Variants in CPED1 observed in about 807,000 individuals in gnomAD.
CPED1 encodes cadherin-like and PC-esterase domain-containing protein 1.
CPED1 carries 114 observed loss-of-function variants against 128.2 expected under a neutral mutation model. The ratio of observed to expected loss-of-function variants is 0.89; its 90% CI spans 0.76 to 1.04. The LOEUF (loss-of-function observed/expected upper bound fraction) is 1.04. CPED1 is among the 50% of genes least tolerant of loss of function. The pLI, the probability that CPED1 is intolerant of heterozygous loss-of-function variation, is 0.00. For synonymous variants in CPED1, 462 were observed against 426.7 expected (o/e 1.08, Z -1.02); for missense variants, 1,211 against 1,207.1 (o/e 1.00, Z -0.05).
chr7:121,165,797 G>A (rs1280863248), intron 16 of CPED1, among the ~76,000 whole-genome samples: 1 of 152,156 alleles, frequency 6.6e-6, no homozygotes, highest in Non-Finnish European at 1.5e-5. Flanking sequence ...TATATTTTAA[G>A]ATTGGAACTG....
At chr7:121,118,578 G>C (rs866667949) in intron 7 of CPED1, among the ~76,000 whole-genome samples, 37 of 142,366 alleles carry the variant, frequency 2.6e-4, no homozygotes, top group African/African-American at 1.1e-3. Context: ...AAAAAACAGA[G>C]AGAGAAAGAA....
chr7:121,264,107 AAGAT>A (rs1199470907), intron 18 of CPED1, among the ~76,000 whole-genome samples: 2 of 152,056 alleles, frequency 1.3e-5, no homozygotes, highest in Admixed American at 6.6e-5. Flanking sequence ...ACACAAATAA[AAGAT>A]AGCCACCTAC....
intron 3 of CPED1, among the ~76,000 whole-genome samples, chr7:121,025,936 C>G (rs1792568776): frequency 6.6e-6 from 1 of 152,104 alleles, no homozygotes; most frequent in Admixed American, 6.6e-5. Context: ...GTATAAAACA[C>G]AACTGATAGT....
At chr7:121,198,652 C>T (rs1181330444) in intron 16 of CPED1, among the ~76,000 whole-genome samples, 2 of 152,110 alleles carry the variant, frequency 1.3e-5, no homozygotes, top group Non-Finnish European at 2.9e-5. Context: ...TTCACTACGC[C>T]AGAGCCTTCT....
rs1157885862 is a variant in CPED1, at chr7:121,074,509, GT to G, written c.616+10214del. ...TTCCTTACTAATAAATTTCCTTTGT[GT>G]TTTTTTTTTTTTTTTTTGAGGGCAC... On this transcript the variant is annotated intron_variant, in intron 5 of 22. Transcript: ENST00000310396. Among the ~76,000 whole-genome samples, 89 of 80,838 alleles carry G rather than the reference GT, an allele frequency of 1.1e-3. 1 individual carries two copies. Among genetic ancestry groups the G allele is most frequent in the South Asian group, 4.1e-3 (9 of 2,174 alleles). 53.0% of individuals were successfully genotyped at this position (80,838 alleles called of 152,430 possible). A position where few individuals can be genotyped will look rare whatever the true frequency, so the allele number is the denominator to read the frequency against.
chr7:121,027,534 T>A (rs983213575), intron 3 of CPED1, among the ~76,000 whole-genome samples: 1 of 151,892 alleles, frequency 6.6e-6, no homozygotes, highest in Non-Finnish European at 1.5e-5. Flanking sequence ...GGAAAAAAAA[T>A]TAGTGATCTT....
rs1028434048 is a variant in CPED1 at position 121,072,586 on chromosome 7, G to A, written c.616+8273G>A. Among the ~76,000 whole-genome samples the A allele has an allele frequency of 2.2e-4, 33 of 152,220 alleles. 1 individual carries two copies. The highest frequency in any genetic ancestry group is 7.9e-4 in the African/African-American group (33 of 41,544). On this transcript the variant is annotated intron_variant, in intron 5 of 22. Transcript: ENST00000310396. ...GAAAAGCCAGCAGAATGTGCTGATG[G>A]TTGAGATGTGGTTTATAAAAGAAAG...
chr7:121,271,486 T>G, intron 22 of CPED1, 56 bp downstream of exon 22: 1 of 1,526,314 alleles, frequency 6.6e-7, no homozygotes, highest in Non-Finnish European at 9.0e-7. Flanking sequence ...AATTGTTTGT[T>G]GTATCTTTAA....
intron 22 of CPED1, among the ~76,000 whole-genome samples, chr7:121,289,673 T>G (rs903429742): frequency 6.6e-6 from 1 of 152,200 alleles, no homozygotes; most frequent in Non-Finnish European, 1.5e-5. Flanking sequence ...CAAAACAATT[T>G]TTAAAAAATT....
chr7:121,194,014 CTCTCTCTCTATATA>C (rs1172022819), intron 16 of CPED1, among the ~76,000 whole-genome samples: 1 of 70,202 alleles, frequency 1.4e-5, no homozygotes, highest in African/African-American at 5.3e-5. Context: ...CTCTCTCTCT[CTCTCTCTCTATATA>C]TATATATATA....
intron 16 of CPED1, among the ~76,000 whole-genome samples, chr7:121,198,257 TAAG>T (rs1355901218): frequency 6.6e-6 from 1 of 152,106 alleles, no homozygotes; most frequent in Non-Finnish European, 1.5e-5. Flanking sequence ...ACTGACAAAA[TAAG>T]AAGGCTTTTT....
intron 2 of CPED1, among the ~76,000 whole-genome samples, chr7:121,014,290 C>T (rs538816865): frequency 1.4e-4 from 22 of 152,252 alleles, no homozygotes; most frequent in Non-Finnish European, 2.6e-4. Context: ...CGGTGGCTCA[C>T]GCCTGTAATC....
At chr7:121,271,852 A>G (rs921227236) in intron 22 of CPED1, among the ~76,000 whole-genome samples, 18 of 152,256 alleles carry the variant, frequency 1.2e-4, no homozygotes, top group Admixed American at 7.8e-4. Flanking sequence ...GCCTTGTCCA[A>G]TGCATAACAG....
chr7:121,020,491 A>T (rs1792412167), intron 3 of CPED1, among the ~76,000 whole-genome samples: 1 of 151,980 alleles, frequency 6.6e-6, no homozygotes, highest in Admixed American at 6.6e-5. Flanking sequence ...TTTACAGAAA[A>T]AAGTTTCCTG....
At chr7:121,100,604 G>T (rs1319000991) in intron 7 of CPED1, among the ~76,000 whole-genome samples, 4 of 152,090 alleles carry the variant, frequency 2.6e-5, no homozygotes. Context: ...TTTCAGGGAA[G>T]AACTCAATAA....
chr7:121,064,373 G>A, intron 5 of CPED1, 60 bp downstream of exon 5: 1 of 1,184,630 alleles, frequency 8.4e-7, no homozygotes, highest in Non-Finnish European at 1.3e-6. Flanking sequence ...TCCCTTAGCA[G>A]AAGCAGCTAA....
At chr7:121,199,524 A>G (rs1337516111) in intron 16 of CPED1, among the ~76,000 whole-genome samples, 1 of 151,678 alleles carries the variant, frequency 6.6e-6, no homozygotes, top group Non-Finnish European at 1.5e-5. Flanking sequence ...TAAGAATACA[A>G]AAATTAGCTG....
intron 4 of CPED1, 42 bp from the exon 5 acceptor site, chr7:121,064,196 G>C: frequency 7.3e-7 from 1 of 1,375,796 alleles, no homozygotes; most frequent in Non-Finnish European, 1.0e-6. Context: ...CTTTAGCGTT[G>C]ATGAATGCCT....
chr7:121,186,978 ACCTGGGCCTGCC>A (rs1336887277), intron 16 of CPED1, among the ~76,000 whole-genome samples: 1 of 152,182 alleles, frequency 6.6e-6, no homozygotes, highest in Non-Finnish European at 1.5e-5. Flanking sequence ...AACTGGCCAA[ACCTGGGCCTGCC>A]CCTGGGCTCT....
Sources: allele counts gnomAD v4.1 joint callset (sites outside exome capture counted in the v4.1 genomes callset), GRCh38; gene constraint gnomAD v4.1.1; transcripts MANE v1.5; gene names NCBI Gene and HGNC (gene_info 2026-07-23, HGNC 2026-07-21).